The following ATP1A2 variants were observed in gnomAD, a reference collection of about 807,000 sequenced individuals.
ATP1A2 encodes the protein ATPase Na+/K+ transporting subunit alpha 2, also known as sodium/potassium-transporting ATPase subunit alpha-2.
Under a neutral mutation model 113.1 loss-of-function variants are expected in ATP1A2, and 56 were observed. That is an observed-to-expected ratio of 0.49 (90% CI 0.40 to 0.62). The LOEUF is 0.62. Ranked by LOEUF, ATP1A2 falls within the 20% of genes least tolerant of loss-of-function variation. ATP1A2 has a pLI of 0.00. For missense variants in ATP1A2, 712 were observed against 1,357.8 expected (o/e 0.52, Z 7.47); for synonymous variants, 490 against 526.8 (o/e 0.93, Z 0.96).
intron 3 of ATP1A2, among the ~76,000 whole-genome samples, chr1:160,121,549 T>C (rs1651400401): frequency 6.6e-6 from 1 of 152,306 alleles, no homozygotes; most frequent in South Asian, 2.1e-4. Context: ...CCCAAGCAAC[T>C]TCAGTTGCAC....
intron 22 of ATP1A2, 56 bp from the exon 23 acceptor site, chr1:160,141,238 T>C (rs1652138911): frequency 1.9e-6 from 3 of 1,609,306 alleles, no homozygotes; most frequent in Admixed American, 3.3e-5. Flanking sequence ...AGGAAATTGA[T>C]CTCTTGCCTC....
chr1:160,131,809 C>A (rs1651784221), intron 13 of ATP1A2, among the ~76,000 whole-genome samples: 2 of 149,028 alleles, frequency 1.3e-5, no homozygotes, highest in Non-Finnish European at 3.0e-5. Context: ...CCAGCCTAGG[C>A]GACAAGAGCA....
Position 160,121,216 on chromosome 1 carries a change from G to C in ATP1A2, c.142G>C (p.Glu48Gln). The C allele has an allele frequency of 6.2e-7, 1 of 1,614,224 alleles. No homozygotes were observed. Among genetic ancestry groups the C allele is most frequent in the Non-Finnish European group, 8.5e-7 (1 of 1,180,036 alleles). The change falls in exon 3 of 23, where the codon GAG becomes CAG. Residue 48 changes from glutamate (E) to glutamine (Q), a missense_variant. By Grantham distance (29) the Glu-to-Gln change is conservative (BLOSUM62 2). Around this residue, in one of 6 missense-constraint regions of ATP1A2, gnomAD observed 109 missense variants for 162.3 expected, o/e 0.67. Coordinates refer to ENST00000361216, the MANE Select transcript of ATP1A2 (RefSeq NM_000702.4). ...AMDDHKLSLD[E>Q]LGRKYQVDLS... The stretch of plus-strand genomic sequence containing the variant: ...GGATGACCACAAGCTGTCCTTGGAT[G>C]AGCTGGGCCGCAAATACCAAGTGGA...
intron 11 of ATP1A2, 60 bp downstream of exon 11, chr1:160,129,460 A>T: frequency 6.3e-7 from 1 of 1,599,208 alleles, no homozygotes; most frequent in Non-Finnish European, 8.5e-7. Flanking sequence ...GAGGGTGGAC[A>T]AAGCCAAGGG....
At chr1:160,132,286 T>A (rs1651799170) in intron 13 of ATP1A2, among the ~76,000 whole-genome samples, 1 of 152,030 alleles carries the variant, frequency 6.6e-6, no homozygotes, top group Non-Finnish European at 1.5e-5. Flanking sequence ...CAGAGCCAGT[T>A]GGAAGGACTT....
intron 17 of ATP1A2, 90 bp downstream of exon 17, chr1:160,136,083 G>C: frequency 1.9e-6 from 3 of 1,608,190 alleles, no homozygotes; most frequent in African/African-American, 2.7e-5. Context: ...AGTGGCCCCA[G>C]CTGTGGGGGT....
intron 7 of ATP1A2, among the ~76,000 whole-genome samples, chr1:160,126,850 T>C (rs1651603656): frequency 1.3e-5 from 2 of 152,192 alleles, no homozygotes; most frequent in Non-Finnish European, 1.5e-5. Flanking sequence ...TGCCTAGTAA[T>C]ACATTCCTAT....
chr1:160,124,127 G>C, intron 5 of ATP1A2, 71 bp downstream of exon 5: 1 of 1,585,642 alleles, frequency 6.3e-7, no homozygotes, highest in Non-Finnish European at 8.6e-7. Context: ...TCTTTTGTCA[G>C]CTCCCAGGCT....
chr1:160,140,185 C>A, intron 22 of ATP1A2: 2 of 601,744 alleles, frequency 3.3e-6, no homozygotes, highest in Non-Finnish European at 5.9e-6. Flanking sequence ...ATTCTAAACC[C>A]CGCCTAACTC....
chr1:160,139,540 T>G, intron 20 of ATP1A2, 100 bp from the exon 21 acceptor site: 1 of 1,005,946 alleles, frequency 9.9e-7, no homozygotes, highest in Non-Finnish European at 1.6e-6. Flanking sequence ...CTATGTCGTT[T>G]AGAATTCTCT....
rs944679236 is a variant in ATP1A2 at position 160,141,473 on chromosome 1, G to A, written c.*151G>A. The stretch of plus-strand genomic sequence containing the variant: ...GCAACTCAGCAGGCTAAGTTGCGGG[G>A]TATATAAATTGGGGTGATGACCCCA... On this transcript the variant is annotated 3_prime_UTR_variant, in exon 23 of 23. Coordinates refer to ENST00000361216, the MANE Select transcript of ATP1A2 (RefSeq NM_000702.4). 3 of 991,552 alleles carry A rather than the reference G, an allele frequency of 3.0e-6. No homozygotes were observed. The highest frequency in any genetic ancestry group is 4.7e-6 in the Non-Finnish European group (3 of 636,236). 61.4% of individuals were successfully genotyped at this position (991,552 alleles called of 1,614,324 possible).
chr1:160,141,563 T>G lies in ATP1A2; in HGVS notation c.*241T>G. On this transcript the variant is annotated 3_prime_UTR_variant, in exon 23 of 23. Coordinates refer to ENST00000361216, the MANE Select transcript of ATP1A2 (RefSeq NM_000702.4). ...TAGAGTCCCCCCGACCAGATCCTTTTCCATCCCACTCCACTATGTTGTCTA... is the reference window on the plus strand; with the variant it reads ...TAGAGTCCCCCCGACCAGATCCTTTGCCATCCCACTCCACTATGTTGTCTA... 1 of 584,726 alleles carries G rather than the reference T, an allele frequency of 1.7e-6. No homozygotes were observed. Among genetic ancestry groups the G allele is most frequent in the Non-Finnish European group, 3.1e-6 (1 of 322,778 alleles). 36.2% of individuals were successfully genotyped at this position (584,726 alleles called of 1,614,324 possible). A position where few individuals can be genotyped will look rare whatever the true frequency, so the allele number is the denominator to read the frequency against.
chr1:160,136,800 C>A (rs1480661875), intron 19 of ATP1A2, 85 bp downstream of exon 19: 30 of 1,613,716 alleles, frequency 1.9e-5, no homozygotes, highest in African/African-American at 2.7e-5. Context: ...TGGTGGCCAA[C>A]TGGGACTGGG....
In ATP1A2 at chr1:160,129,345, G is replaced by A. The variant is rs1302374455; in HGVS notation, c.1406G>A (p.Arg469Lys). 6.2e-7 allele frequency: 1 copy of A among 1,614,176 alleles called. No individual in the cohort carries two copies. The highest frequency in any genetic ancestry group is 8.5e-7 in the Non-Finnish European group (1 of 1,180,046). ...ELSCGSVRKM[R>K]DRNPKVAEIP... Reference sequence around the variant, plus strand: ...TCCTGTGGCTCAGTGAGGAAAATGAGAGACAGAAACCCCAAGGTGGCAGAG... The same window carrying A: ...TCCTGTGGCTCAGTGAGGAAAATGAAAGACAGAAACCCCAAGGTGGCAGAG... The change falls in exon 11 of 23, where the codon AGA (arginine) becomes AAA (lysine). Residue 469 changes from arginine (R) to lysine (K), a missense_variant. This residue lies in a region of ATP1A2 where 263 missense variants were observed against 380.6 expected (regional missense o/e 0.69). Transcript: ENST00000361216.
At chr1:160,134,235 C>CCACACACA (rs146388527) in intron 13 of ATP1A2, among the ~76,000 whole-genome samples, 87 of 122,968 alleles carry the variant, frequency 7.1e-4, no homozygotes, top group Admixed American at 9.0e-4. Context: ...CAATCCCCAC[C>CCACACACA]CACACACACA....
Position 160,128,831 on chromosome 1 carries a change from C to CA in ATP1A2, c.1198dup (p.Thr400AsnfsTer11). 2 of 1,614,116 alleles carry CA rather than the reference C, an allele frequency of 1.2e-6. No homozygotes were observed. Among genetic ancestry groups the CA allele is most frequent in the Non-Finnish European group, 1.7e-6 (2 of 1,180,012 alleles). On this transcript the variant is annotated frameshift_variant, in exon 9 of 23. Coordinates refer to ENST00000361216, the MANE Select transcript of ATP1A2 (RefSeq NM_000702.4). LOFTEE classifies it high-confidence loss of function. ...TCGACAACCAAATCCATGAGGCTGA[C>CA]ACCACCGAAGATCAGTCTGGTGATT...
chr1:160,141,958 G>T lies in ATP1A2; in HGVS notation c.*636G>T. Reference sequence around the variant, plus strand: ...GGAGGAAGGAAACAACAAAGGAAGTGAGGTAGTGCCAATGACAGGACATTT... The same window carrying T: ...GGAGGAAGGAAACAACAAAGGAAGTTAGGTAGTGCCAATGACAGGACATTT... On this transcript the variant is annotated 3_prime_UTR_variant, in exon 23 of 23. Transcript: ENST00000361216. 1 of 159,636 alleles carries T rather than the reference G, an allele frequency of 6.3e-6. No homozygotes were observed. The allele number at this position is 159,636 out of a possible 1,614,324, so 9.9% of individuals were successfully genotyped here.
intron 3 of ATP1A2, among the ~76,000 whole-genome samples, chr1:160,122,425 A>T (rs1034414147): frequency 6.6e-6 from 1 of 151,878 alleles, no homozygotes; most frequent in Admixed American, 6.6e-5. Flanking sequence ...TGAATGAAAA[A>T]AAAAAAAAAA....
intron 11 of ATP1A2, among the ~76,000 whole-genome samples, chr1:160,129,843 C>T (rs981962629): frequency 6.6e-6 from 1 of 152,118 alleles, no homozygotes; most frequent in African/African-American, 2.4e-5. Flanking sequence ...GCCGTTCAGC[C>T]CCTAGCACAG....
Sources: allele counts gnomAD v4.1 joint callset (sites outside exome capture counted in the v4.1 genomes callset), GRCh38; gene constraint gnomAD v4.1.1; regional missense constraint gnomAD v4.1.1; transcripts MANE v1.5; gene names NCBI Gene and HGNC (gene_info 2026-07-23, HGNC 2026-07-21).